The following FAM222B variants were observed in gnomAD, a reference collection of about 807,000 sequenced individuals.
The protein encoded by FAM222B is family with sequence similarity 222 member B.
A neutral mutation model predicts 38.0 loss-of-function variants in FAM222B; 12 were observed. That is an observed-to-expected ratio of 0.32 (90% CI 0.20 to 0.51). The LOEUF (loss-of-function observed/expected upper bound fraction) is 0.51, where lower values mean the gene tolerates loss of function less well. FAM222B is among the 20% of genes least tolerant of loss of function. The probability of loss-of-function intolerance (pLI) is 0.97; values close to 1 mark genes in which losing one functional copy is unlikely to be tolerated. For missense variants in FAM222B, 716 were observed against 754.2 expected (o/e 0.95, Z 0.59); for synonymous variants, 329 against 317.2 (o/e 1.04, Z -0.40).
At chr17:28,812,451 C>G (rs1724877596) in intron 1 of FAM222B, 1 of 152,366 alleles carries the variant, frequency 6.6e-6, no homozygotes, top group African/African-American at 2.4e-5. Flanking sequence ...TTGCTCCCAG[C>G]CGCCGCCGGA....
At chr17:28,836,276 C>T (rs1020508839) in intron 1 of FAM222B, among the ~76,000 whole-genome samples, 5 of 152,088 alleles carry the variant, frequency 3.3e-5, no homozygotes, top group African/African-American at 1.2e-4. Context: ...GCATAAGCCA[C>T]CGCGCCTGGC....
chr17:28,833,183 C>T (rs1270046823), intron 1 of FAM222B, among the ~76,000 whole-genome samples: 2 of 152,012 alleles, frequency 1.3e-5, no homozygotes, highest in East Asian at 3.9e-4. Flanking sequence ...GTGGCACGCG[C>T]CTGTAGTCCC....
intron 1 of FAM222B, among the ~76,000 whole-genome samples, chr17:28,777,718 G>C (rs1470049746): frequency 6.6e-6 from 1 of 152,048 alleles, no homozygotes; most frequent in Non-Finnish European, 1.5e-5. Context: ...GTGTGTGTAT[G>C]TGTGTGTGTA....
chr17:28,838,216 G>C (rs560652312), intron 1 of FAM222B, among the ~76,000 whole-genome samples: 1 of 152,294 alleles, frequency 6.6e-6, no homozygotes, highest in African/African-American at 2.4e-5. Context: ...CAGGGAGGCA[G>C]AGGTTGCGCT....
At chr17:28,842,527 C>T (rs917479374) in intron 1 of FAM222B, among the ~76,000 whole-genome samples, 155 bp downstream of exon 1, 9 of 152,176 alleles carry the variant, frequency 5.9e-5, no homozygotes, top group Middle Eastern at 3.2e-3. Flanking sequence ...GACCGGGCCA[C>T]CCGTGCCCCA....
intron 1 of FAM222B, among the ~76,000 whole-genome samples, chr17:28,770,581 T>A (rs1322821292): frequency 3.3e-5 from 5 of 150,912 alleles, no homozygotes; most frequent in Non-Finnish European, 5.9e-5. Flanking sequence ...ATTTTTTTTT[T>A]TTTTTTTGAG....
intron 1 of FAM222B, among the ~76,000 whole-genome samples, chr17:28,804,045 G>A (rs1320084564): frequency 6.6e-6 from 1 of 151,906 alleles, no homozygotes; most frequent in Non-Finnish European, 1.5e-5. Context: ...GCTAGTTTAC[G>A]TATGACTTAC....
intron 1 of FAM222B, among the ~76,000 whole-genome samples, chr17:28,783,137 CAA>C (rs74267063): frequency 3.7e-4 from 21 of 56,312 alleles, no homozygotes; most frequent in Admixed American, 6.1e-4. Flanking sequence ...GACCCTGTCT[CAA>C]AAAAAAAAAA....
chr17:28,760,073 T>C (rs1284032135), intron 2 of FAM222B, among the ~76,000 whole-genome samples, 197 bp from the exon 3 acceptor site: 1 of 152,200 alleles, frequency 6.6e-6, no homozygotes, highest in African/African-American at 2.4e-5. Flanking sequence ...AGTAAGTGCT[T>C]ATAGTGGGCC....
rs765440260 is a variant in FAM222B at position 28,758,255 on chromosome 17, G to C, written c.*15C>G. 1 of 1,544,140 alleles carries C rather than the reference G, an allele frequency of 6.5e-7. No homozygotes were observed. The highest frequency in any genetic ancestry group is 1.8e-4 in the Middle Eastern group (1 of 5,684). ...TGATGTATGATGTGTTGCACGTGGAGGGCAGCAGGGCTACCTATCTATACC... is the reference window on the plus strand; with the variant it reads ...TGATGTATGATGTGTTGCACGTGGACGGCAGCAGGGCTACCTATCTATACC... On this transcript the variant is annotated 3_prime_UTR_variant, in exon 3 of 3. Transcript: ENST00000581407.
chr17:28,832,024 C>T (rs571807558), intron 1 of FAM222B, among the ~76,000 whole-genome samples: 1 of 151,952 alleles, frequency 6.6e-6, no homozygotes, highest in South Asian at 2.1e-4. Context: ...CCCGTCTCAA[C>T]TAAAAATACA....
At chr17:28,851,474 C>G (rs914949427) in intron 1 of FAM222B, among the ~76,000 whole-genome samples, 1 of 151,958 alleles carries the variant, frequency 6.6e-6, no homozygotes, top group Non-Finnish European at 1.5e-5. Flanking sequence ...GCAGAGGTTG[C>G]AGTGAGCCAA....
At chr17:28,793,755 T>C (rs2036808395) in intron 1 of FAM222B, among the ~76,000 whole-genome samples, 1 of 151,742 alleles carries the variant, frequency 6.6e-6, no homozygotes, top group South Asian at 2.1e-4. Context: ...TTTTTTTTTT[T>C]TTTTTTTGAG....
chr17:28,758,568 T>C lies in FAM222B; in HGVS notation c.1391A>G (p.Asp464Gly). ...WNNILPTPNSDSSGSQDLAMP... is the reference protein window; with the variant it reads ...WNNILPTPNSGSSGSQDLAMP... Reference sequence around the variant, plus strand: ...GGCAAGGTCCTGAGACCCCGAGCTGTCGCTATTGGGAGTGGGCAGAATGTT... The same window carrying C: ...GGCAAGGTCCTGAGACCCCGAGCTGCCGCTATTGGGAGTGGGCAGAATGTT... The change falls in exon 3 of 3, where the codon GAC becomes GGC. Residue 464 changes from aspartate (D) to glycine (G), a missense_variant. Coordinates refer to ENST00000581407, the MANE Select transcript of FAM222B (RefSeq NM_001077498.3). The C allele has an allele frequency of 6.2e-7, 1 of 1,610,192 alleles. No individual in the cohort carries two copies. The highest frequency in any genetic ancestry group is 8.5e-7 in the Non-Finnish European group (1 of 1,179,852).
chr17:28,801,246 G>C (rs112323452), intron 1 of FAM222B, among the ~76,000 whole-genome samples: 1 of 149,292 alleles, frequency 6.7e-6, no homozygotes, highest in Non-Finnish European at 1.5e-5. Flanking sequence ...GAGGTCAGGA[G>C]ATCGAGACCA....
chr17:28,844,192 A>G (rs1319895683), upstream of FAM222B, among the ~76,000 whole-genome samples: 1 of 152,168 alleles, frequency 6.6e-6, no homozygotes, highest in Non-Finnish European at 1.5e-5. Flanking sequence ...AGCAGCAGGC[A>G]AGAGGAGGTA....
chr17:28,837,354 C>T (rs952212596), intron 1 of FAM222B, among the ~76,000 whole-genome samples: 2 of 150,476 alleles, frequency 1.3e-5, no homozygotes, highest in Admixed American at 6.7e-5. Flanking sequence ...GGCGTGAACC[C>T]GGGAGGCAGA....
intron 2 of FAM222B, chr17:28,761,979 A>C (rs1352087427): frequency 6.6e-6 from 1 of 152,140 alleles, no homozygotes; most frequent in Non-Finnish European, 1.5e-5. Flanking sequence ...TAGAAGTCGT[A>C]TAGTACCTTG....
chr17:28,766,818 TTTAA>T lies in FAM222B; in HGVS notation c.-40-115_-40-112del, dbSNP rs1186909441. On this transcript the variant is annotated intron_variant, in intron 1 of 2. Coordinates refer to ENST00000581407, the MANE Select transcript of FAM222B (RefSeq NM_001077498.3). ...GCCCAAGTTTAGACACATAAAGCAA[TTTAA>T]TTAGCAGTGTGTTGGTTGAAAGTAT... The T allele has an allele frequency of 3.6e-5, 22 of 604,004 alleles. No homozygotes were observed. The African/African-American group carries it at 4.1e-4, about 11-fold the overall frequency. 37.4% of individuals were successfully genotyped at this position (604,004 alleles called of 1,614,324 possible).
Sources: gnomAD v4.1 joint callset for allele counts (sites outside exome capture counted in the v4.1 genomes callset) on GRCh38, gnomAD v4.1.1 for gene constraint, MANE v1.5 for transcripts, NCBI Gene and HGNC (gene_info 2026-07-23, HGNC 2026-07-21) for gene names.